The following HIVEP3 variants were observed in gnomAD, a reference collection of about 807,000 sequenced individuals.
HIVEP3 encodes the protein transcription factor HIVEP3.
In HIVEP3, 49 loss-of-function variants were observed where a neutral mutation model predicts 152.8. That is an observed-to-expected ratio of 0.32 (90% CI 0.26 to 0.41). The LOEUF (loss-of-function observed/expected upper bound fraction) is 0.41. HIVEP3 is among the 10% of genes least tolerant of loss of function. The pLI is 1.00. For missense variants in HIVEP3, 2,790 were observed against 3,103.3 expected (o/e 0.90, Z 2.40); for synonymous variants, 1,269 against 1,289.0 (o/e 0.98, Z 0.33).
chr1:41,796,408 A>T (rs1476529505), intron 1 of HIVEP3, among the ~76,000 whole-genome samples: 2 of 152,278 alleles, frequency 1.3e-5, no homozygotes, highest in Non-Finnish European at 2.9e-5. Flanking sequence ...ACAAAGAATA[A>T]GGCAGCCTTG....
chr1:41,889,455 G>A (rs1259258225), intron 1 of HIVEP3, among the ~76,000 whole-genome samples: 2 of 152,116 alleles, frequency 1.3e-5, no homozygotes, highest in Admixed American at 1.3e-4. Flanking sequence ...GACCTACGCA[G>A]AGTCTGAAGG....
rs149570420 is a variant in HIVEP3, at chr1:41,969,122, T to C, written n.120-50598A>G. Among the ~76,000 whole-genome samples the C allele has an allele frequency of 2.4e-3, 358 of 152,218 alleles. 1 individual carries two copies. The highest frequency in any genetic ancestry group is 8.1e-3 in the African/African-American group (338 of 41,524). ...ATAGGAAGAATCAATATCGTGAAAA[T>C]GGCCATATTGCCCAAAGTAATTTAC... On this transcript the variant is annotated intron_variant and non_coding_transcript_variant, in intron 1 of 3. Transcript: ENST00000489103.
At chr1:41,732,938 T>C (rs1646863293) in intron 1 of HIVEP3, among the ~76,000 whole-genome samples, 1 of 152,240 alleles carries the variant, frequency 6.6e-6, no homozygotes, top group Middle Eastern at 3.4e-3. Flanking sequence ...CAGGATCTGG[T>C]TCACCCATGT....
At chr1:41,776,107 T>C (rs577538360) in intron 1 of HIVEP3, among the ~76,000 whole-genome samples, 4 of 152,192 alleles carry the variant, frequency 2.6e-5, no homozygotes, top group Non-Finnish European at 4.4e-5. Context: ...CCTTGGCATT[T>C]AAACAAAGCC....
At chr1:41,548,336 A>G in intron 5 of HIVEP3, among the ~76,000 whole-genome samples, 1 of 152,150 alleles carries the variant, frequency 6.6e-6, no homozygotes, top group East Asian at 1.9e-4. Context: ...TAACTTGCCC[A>G]TGACCACATG....
chr1:41,763,795 T>C (rs547972940), intron 1 of HIVEP3, among the ~76,000 whole-genome samples: 1 of 152,356 alleles, frequency 6.6e-6, no homozygotes, highest in Non-Finnish European at 1.5e-5. Context: ...TACAATTTGG[T>C]GTTTGGTGAC....
At chr1:41,676,039 G>A (rs888878041) in intron 2 of HIVEP3, among the ~76,000 whole-genome samples, 1 of 151,864 alleles carries the variant, frequency 6.6e-6, no homozygotes, top group Non-Finnish European at 1.5e-5. Flanking sequence ...CTGCCAACCA[G>A]GTGTTTCTTT....
chr1:41,549,289 T>C (rs566404533), intron 5 of HIVEP3, among the ~76,000 whole-genome samples: 42 of 152,308 alleles, frequency 2.8e-4, no homozygotes, highest in African/African-American at 9.9e-4. Context: ...GGCATTTGAG[T>C]TGGTTCCAAG....
intron 1 of HIVEP3, among the ~76,000 whole-genome samples, chr1:41,750,724 C>A (rs1021357908): frequency 1.3e-4 from 16 of 126,222 alleles, no homozygotes; most frequent in Non-Finnish European, 1.9e-4. Flanking sequence ...TTTTGACACG[C>A]GTCTCGCTCT....
intron 2 of HIVEP3, among the ~76,000 whole-genome samples, chr1:41,661,612 C>G (rs1051022105): frequency 5.9e-5 from 9 of 152,250 alleles, no homozygotes; most frequent in Non-Finnish European, 1.3e-4. Flanking sequence ...AACTCACTCC[C>G]AATGAGCCCC....
At chr1:41,530,590 C>A (rs906831115) in intron 5 of HIVEP3, among the ~76,000 whole-genome samples, 1 of 152,184 alleles carries the variant, frequency 6.6e-6, no homozygotes, top group African/African-American at 2.4e-5. Flanking sequence ...CCTGGCCTTG[C>A]TTGTCGGGTC....
rs35784470 is a variant in HIVEP3, at chr1:41,580,814, C to T, written c.3984G>A (p.Pro1328=). 3.4e-3 allele frequency: 5,407 copies of T among 1,580,220 alleles called. 28 individuals carry two copies. Among genetic ancestry groups the T allele is most frequent in the African/African-American group, 3.6e-3 (268 of 74,358 alleles). Residue 1328 remains proline (P), a synonymous_variant, in exon 4 of 9, where the codon CCG becomes CCA. Coordinates refer to ENST00000372583, the MANE Select transcript of HIVEP3 (RefSeq NM_024503.5). ...TGGTGTACATTGCGCTCCCATAGGACGGCATATTGGTCTGAACACGGACAG... is the reference window on the plus strand; with the variant it reads ...TGGTGTACATTGCGCTCCCATAGGATGGCATATTGGTCTGAACACGGACAG... ...VVPVRVQTNM[P]SYGSAMYTTL...
chr1:41,854,937 G>T, intron 1 of HIVEP3, among the ~76,000 whole-genome samples: 1 of 36,564 alleles, frequency 2.7e-5, no homozygotes, highest in Non-Finnish European at 5.0e-5. Flanking sequence ...TTGGACATTT[G>T]GGTTGGTTCC....
chr1:41,510,680 CG>C lies in HIVEP3; in HGVS notation c.6991del (p.Arg2331AlafsTer151). The C allele has an allele frequency of 6.6e-7, 1 of 1,522,862 alleles. No individual in the cohort carries two copies. Among genetic ancestry groups the C allele is most frequent in the Non-Finnish European group, 8.8e-7 (1 of 1,134,388 alleles). 94.3% of individuals were successfully genotyped at this position (1,522,862 alleles called of 1,614,324 possible). On this transcript the variant is annotated frameshift_variant, in exon 9 of 9. Coordinates refer to ENST00000372583, the MANE Select transcript of HIVEP3 (RefSeq NM_024503.5). LOFTEE classifies it high-confidence loss of function. Reference protein sequence around the residue: ...GRRAAQSWSPRLESPRAPTNP... With the variant: ...GRRAAQSWSPXLESPRAPTNP... The stretch of plus-strand genomic sequence containing the variant: ...GGTCGGTGCACGCGGGGACTCCAAG[CG>C]GGGGCTCCAGGACTGCGCTGCCCGG...
chr1:42,022,826 G>A (rs892930722), intron 1 of HIVEP3, among the ~76,000 whole-genome samples: 13 of 152,174 alleles, frequency 8.5e-5, no homozygotes, highest in African/African-American at 3.1e-4. Flanking sequence ...AGTACTTAAA[G>A]TATCTTGGGT....
chr1:41,972,723 C>T (rs1205184605), intron 1 of HIVEP3, among the ~76,000 whole-genome samples: 4 of 152,146 alleles, frequency 2.6e-5, no homozygotes, highest in African/African-American at 7.2e-5. Flanking sequence ...GTAAGCATTC[C>T]GTGTTCCAAA....
At chr1:41,713,283 T>A (rs774952084) in intron 1 of HIVEP3, among the ~76,000 whole-genome samples, 2 of 152,168 alleles carry the variant, frequency 1.3e-5, no homozygotes, top group Non-Finnish European at 2.9e-5. Flanking sequence ...CTGGGTCTGC[T>A]CTTTGTCCCT....
At chr1:41,915,102 A>T (rs1054383714) in intron 1 of HIVEP3, among the ~76,000 whole-genome samples, 2 of 151,450 alleles carry the variant, frequency 1.3e-5, no homozygotes, top group African/African-American at 4.9e-5. Context: ...TGCCATTATC[A>T]TGGATAGTTG....
At chr1:41,869,518 T>C (rs1644040501) in intron 1 of HIVEP3, 1 of 152,264 alleles carries the variant, frequency 6.6e-6, no homozygotes. Context: ...GATGAAGCCA[T>C]ACGTGAGACA....
Sources: gnomAD v4.1 joint callset for allele counts (sites outside exome capture counted in the v4.1 genomes callset) on GRCh38, gnomAD v4.1.1 for gene constraint, MANE v1.5 for transcripts, NCBI Gene and HGNC (gene_info 2026-07-23, HGNC 2026-07-21) for gene names.